Variants in DCUN1D5 observed in about 807,000 individuals in gnomAD.
The protein encoded by DCUN1D5 is defective in cullin neddylation 1 domain containing 5, also known as DCN1-like protein 5.
Under a neutral mutation model 38.3 loss-of-function variants are expected in DCUN1D5, and 10 were observed. The observed-to-expected ratio is 0.26, with a 90% CI of 0.16 to 0.44. The LOEUF is 0.44. Among genes scored for constraint, DCUN1D5 ranks in the 20% least tolerant of loss-of-function variants. DCUN1D5 has a pLI of 1.00. For synonymous variants in DCUN1D5, 93 were observed against 90.9 expected (o/e 1.02, Z -0.13); for missense variants, 148 against 275.3 (o/e 0.54, Z 3.27).
Position 103,060,803 on chromosome 11 carries a change from A to G in DCUN1D5, c.*1556T>C, listed in dbSNP as rs1257140068. Among the ~76,000 whole-genome samples the G allele has an allele frequency of 6.6e-6, 1 of 152,146 alleles. No individual in the cohort carries two copies. Among genetic ancestry groups the G allele is most frequent in the African/African-American group, 2.4e-5 (1 of 41,446 alleles). On this transcript the variant is annotated 3_prime_UTR_variant, in exon 8 of 8. Coordinates refer to ENST00000260247, the MANE Select transcript of DCUN1D5 (RefSeq NM_032299.4). ...CCTTGAAGAGTCAACTAAATTATAA[A>G]TTTAAAGGTCTACAAATCTAAATGC...
At position 103,055,073 on chromosome 11, in the gene DCUN1D5, G is replaced by A. The variant is rs781558942; in HGVS notation, c.*7286C>T. 4.6e-5 allele frequency: 7 copies of A among 152,088 alleles called. No homozygotes were observed. The highest frequency in any genetic ancestry group is 8.8e-5 in the Non-Finnish European group (6 of 67,994). The allele number at this position is 152,088 out of a possible 1,614,324, so 9.4% of individuals were successfully genotyped here. On this transcript the variant is annotated 3_prime_UTR_variant, in exon 8 of 8. Transcript: ENST00000260247. ...GGGGATGGGACCCAAGTCTAAACAT[G>A]AAATTCATTTATGTTTCATATACAC...
intron 2 of DCUN1D5, among the ~76,000 whole-genome samples, chr11:103,084,344 A>G (rs1421486397): frequency 6.6e-6 from 1 of 152,246 alleles, no homozygotes; most frequent in Non-Finnish European, 1.5e-5. Context: ...TGACAGCACC[A>G]TATTTAGGTT....
In DCUN1D5 at chr11:103,062,427, A is replaced by C; in HGVS notation, c.659-13T>G. On this transcript the variant is annotated splice_polypyrimidine_tract_variant and intron_variant, in intron 7 of 7. Coordinates refer to ENST00000260247, the MANE Select transcript of DCUN1D5 (RefSeq NM_032299.4). The surrounding 1 kb of genome is among the most constrained non-coding windows in gnomAD (Gnocchi z 4.6). ...AGAAGAACAGGCCCTAGAAAAAAAG[A>C]AACCATTTTTGTCAGAATTCAGTGA... 2 of 1,610,190 alleles carry C rather than the reference A, an allele frequency of 1.2e-6. No homozygotes were observed. Among genetic ancestry groups the C allele is most frequent in the Non-Finnish European group, 1.7e-6 (2 of 1,178,600 alleles).
rs138202359 is a variant in DCUN1D5, at chr11:103,058,666, TAAA to T, written c.*3690_*3692del. 3.9e-5 allele frequency among the ~76,000 whole-genome samples: 6 copies of T among 152,008 alleles called. No homozygotes were observed. The highest frequency in any genetic ancestry group is 1.4e-4 in the African/African-American group (6 of 41,422). Reference sequence around the variant, plus strand: ...TCCTGAAGTAATAAAACTATATCATTAAAAAAAGATATAATCCAGAATATTTAA... The same window carrying T: ...TCCTGAAGTAATAAAACTATATCATTAAAAGATATAATCCAGAATATTTAA... On this transcript the variant is annotated 3_prime_UTR_variant, in exon 8 of 8. Coordinates refer to ENST00000260247, the MANE Select transcript of DCUN1D5 (RefSeq NM_032299.4).
rs1172042225 is a variant in DCUN1D5, at chr11:103,055,857, C to T, written c.*6502G>A. On this transcript the variant is annotated 3_prime_UTR_variant, in exon 8 of 8. Coordinates refer to ENST00000260247, the MANE Select transcript of DCUN1D5 (RefSeq NM_032299.4). ...ATCCAACTGCCCACTCTACATTTTC[C>T]TTTGGACGTCTGACAGACAAGTCTA... The T allele has an allele frequency of 1.3e-5, 2 of 152,210 alleles. No individual in the cohort carries two copies. The highest frequency in any genetic ancestry group is 4.8e-5 in the African/African-American group (2 of 41,446). 9.4% of individuals were successfully genotyped at this position (152,210 alleles called of 1,614,324 possible). A position where few individuals can be genotyped will look rare whatever the true frequency, so the allele number is the denominator to read the frequency against.
chr11:103,089,991 G>GT (rs1862815633), intron 1 of DCUN1D5, among the ~76,000 whole-genome samples: 1 of 151,764 alleles, frequency 6.6e-6, no homozygotes, highest in Middle Eastern at 3.2e-3. Flanking sequence ...CTAAAATTTG[G>GT]TAAGTTCAAA....
rs1399048320 is a variant in DCUN1D5 at position 103,058,773 on chromosome 11, T to C, written c.*3586A>G. On this transcript the variant is annotated 3_prime_UTR_variant, in exon 8 of 8. Coordinates refer to ENST00000260247, the MANE Select transcript of DCUN1D5 (RefSeq NM_032299.4). ...TTCTCCTGAAAAAAAAATGATCCTTTCTTTGAAATGTTTCCTTGTGATGAT... is the reference window on the plus strand; with the variant it reads ...TTCTCCTGAAAAAAAAATGATCCTTCCTTTGAAATGTTTCCTTGTGATGAT... Among the ~76,000 whole-genome samples, 1 of 152,142 alleles carries C rather than the reference T, an allele frequency of 6.6e-6. No individual in the cohort carries two copies. Among genetic ancestry groups the C allele is most frequent in the African/African-American group, 2.4e-5 (1 of 41,446 alleles).
At position 103,059,296 on chromosome 11, in the gene DCUN1D5, A is replaced by G. The variant is rs768679859; in HGVS notation, c.*3063T>C. ...GTATTCTGAATCTGTGCTATTCCAC[A>G]TACCTTGTATGCCTTGAAAACTCTG... is the stretch of plus-strand genomic sequence containing the variant. On this transcript the variant is annotated 3_prime_UTR_variant, in exon 8 of 8. Coordinates refer to ENST00000260247, the MANE Select transcript of DCUN1D5 (RefSeq NM_032299.4). 6.6e-6 allele frequency among the ~76,000 whole-genome samples: 1 copy of G among 152,180 alleles called. No homozygotes were observed. The highest frequency in any genetic ancestry group is 1.5e-5 in the Non-Finnish European group (1 of 68,030).
chr11:103,089,098 G>T, intron 2 of DCUN1D5, 129 bp downstream of exon 2: 1 of 807,550 alleles, frequency 1.2e-6, no homozygotes, highest in Non-Finnish European at 1.8e-6. Context: ...ACAATCTTCA[G>T]TCCTGACCCT....
At chr11:103,067,150 G>C (rs1862154460) in intron 4 of DCUN1D5, among the ~76,000 whole-genome samples, 1 of 152,118 alleles carries the variant, frequency 6.6e-6, no homozygotes, top group South Asian at 2.1e-4. Flanking sequence ...ATATGCAAAA[G>C]CATGCAAACA....
In DCUN1D5 at chr11:103,063,382, G is replaced by A. The variant is rs1433242132; in HGVS notation, c.658+893C>T. ...AAAATACATAAATATACACATCTAC[G>A]GGCCATATACAGCCTTTGGGCTGCC... On this transcript the variant is annotated intron_variant, in intron 7 of 7. Transcript: ENST00000260247. The surrounding 1 kb of genome is among the most constrained non-coding windows in gnomAD (Gnocchi z 4.6). 6.6e-6 allele frequency among the ~76,000 whole-genome samples: 1 copy of A among 151,940 alleles called. No homozygotes were observed. Among genetic ancestry groups the A allele is most frequent in the Non-Finnish European group, 1.5e-5 (1 of 67,930 alleles).
rs373919560 is a variant in DCUN1D5 at position 103,056,865 on chromosome 11, CAA to C, written c.*5492_*5493del. 4.6e-5 allele frequency among the ~76,000 whole-genome samples: 7 copies of C among 152,128 alleles called. No individual in the cohort carries two copies. Among genetic ancestry groups the C allele is most frequent in the African/African-American group, 1.7e-4 (7 of 41,424 alleles). ...AACTAACCACTTCTTGTTCAAGTAA[CAA>C]GACGCATTCATTTAACACCTACTAA... On this transcript the variant is annotated 3_prime_UTR_variant, in exon 8 of 8. Transcript: ENST00000260247. The surrounding 1 kb of genome is among the most constrained non-coding windows in gnomAD (Gnocchi z 4.9).
At position 103,071,963 on chromosome 11, in the gene DCUN1D5, C is replaced by CA. The variant is rs536739546; in HGVS notation, c.342-5397dup. Among the ~76,000 whole-genome samples the CA allele has an allele frequency of 2.7e-4, 40 of 146,130 alleles. No individual in the cohort carries two copies. Among genetic ancestry groups the CA allele is most frequent in the South Asian group, 4.4e-4 (2 of 4,564 alleles). On this transcript the variant is annotated intron_variant, in intron 4 of 7. Coordinates refer to ENST00000260247, the MANE Select transcript of DCUN1D5 (RefSeq NM_032299.4). This position sits in a 1 kb window ranked among gnomAD's most constrained non-coding sequence, Gnocchi z 4.1. ...ACTTGATACCAAAACCAGGCAAATA[C>CA]AAAAAAAAGCCACATAATTTTATCA...
rs1388221148 is a variant in DCUN1D5, at chr11:103,064,429, T to C, written c.556-52A>G. On this transcript the variant is annotated intron_variant, in intron 6 of 7. Transcript: ENST00000260247. The surrounding 1 kb of genome is among the most constrained non-coding windows in gnomAD (Gnocchi z 4.5). ...TTTAAATATTTAAACAAACATCATT[T>C]ACTCAATTTAGTAAACTAAGTTTTA... is the stretch of plus-strand genomic sequence containing the variant. 1 of 1,375,178 alleles carries C rather than the reference T, an allele frequency of 7.3e-7. No homozygotes were observed. Among genetic ancestry groups the C allele is most frequent in the Non-Finnish European group, 9.9e-7 (1 of 1,009,376 alleles). The allele number at this position is 1,375,178 out of a possible 1,614,324, so 85.2% of individuals were successfully genotyped here. A position where few individuals can be genotyped will look rare whatever the true frequency, so the allele number is the denominator to read the frequency against.
Position 103,061,104 on chromosome 11 carries a change from G to T in DCUN1D5, c.*1255C>A, listed in dbSNP as rs751369984. ...AGCAAACAATAAAACACTTTAAAAT[G>T]TCATTCTCTTAGGTAATCAATATGG... On this transcript the variant is annotated 3_prime_UTR_variant, in exon 8 of 8. Transcript: ENST00000260247. Among the ~76,000 whole-genome samples, 2 of 152,114 alleles carry T rather than the reference G, an allele frequency of 1.3e-5. No homozygotes were observed. Among genetic ancestry groups the T allele is most frequent in the Non-Finnish European group, 2.9e-5 (2 of 67,998 alleles).
At chr11:103,081,592 G>A (rs1204584598) in intron 4 of DCUN1D5, among the ~76,000 whole-genome samples, 1 of 152,084 alleles carries the variant, frequency 6.6e-6, no homozygotes, top group Non-Finnish European at 1.5e-5. Flanking sequence ...TGGTAATCAG[G>A]AAATTTGAAT....
intron 4 of DCUN1D5, among the ~76,000 whole-genome samples, chr11:103,070,795 A>T (rs753663537): frequency 6.6e-6 from 1 of 152,188 alleles, no homozygotes; most frequent in Non-Finnish European, 1.5e-5. Flanking sequence ...CCCACAAAAC[A>T]TAAAACAAGA....
In DCUN1D5 at chr11:103,063,573, T is replaced by C. The variant is rs1862064566; in HGVS notation, c.658+702A>G. Among the ~76,000 whole-genome samples, 2 of 152,300 alleles carry C rather than the reference T, an allele frequency of 1.3e-5. No homozygotes were observed. The highest frequency in any genetic ancestry group is 4.1e-4 in the South Asian group (2 of 4,834). ...AGTGTATAATTTCAGTTTAAGTTTA[T>C]AGGAATGTACCTTTCCTTGTAACCC... On this transcript the variant is annotated intron_variant, in intron 7 of 7. Transcript: ENST00000260247. This position sits in a 1 kb window ranked among gnomAD's most constrained non-coding sequence, Gnocchi z 4.6.
chr11:103,052,758 A>G lies in DCUN1D5; in HGVS notation c.*9601T>C, dbSNP rs1401740627. ...TCCAAAGATACTTGGAATATTTTTC[A>G]TGTTATTCCAAACACCAACCACTTC... On this transcript the variant is annotated 3_prime_UTR_variant, in exon 8 of 8. Coordinates refer to ENST00000260247, the MANE Select transcript of DCUN1D5 (RefSeq NM_032299.4). 1 of 152,152 alleles carries G rather than the reference A, an allele frequency of 6.6e-6. No individual in the cohort carries two copies. The highest frequency in any genetic ancestry group is 1.9e-4 in the East Asian group (1 of 5,198). 9.4% of individuals were successfully genotyped at this position (152,152 alleles called of 1,614,324 possible).
Sources: allele counts gnomAD v4.1 joint callset (sites outside exome capture counted in the v4.1 genomes callset), GRCh38; gene constraint gnomAD v4.1.1; non-coding constraint Gnocchi (gnomAD v3.1); transcripts MANE v1.5; gene names NCBI Gene and HGNC (gene_info 2026-07-23, HGNC 2026-07-21).